The following FRRS1 variants were observed in gnomAD, a reference collection of about 807,000 sequenced individuals.
FRRS1 encodes the protein ferric reductase 1.
In FRRS1, 51 loss-of-function variants were observed where a neutral mutation model predicts 70.7. That is an observed-to-expected ratio of 0.72 (90% confidence interval 0.58 to 0.91). The LOEUF is 0.91. FRRS1 is among the 40% of genes least tolerant of loss of function. The pLI is 0.00. For missense variants in FRRS1, 672 were observed against 726.0 expected, an observed-to-expected ratio of 0.93 and a Z score of 0.86; for synonymous variants, 225 against 238.7, an observed-to-expected ratio of 0.94 and a Z score of 0.53.
intron 4 of FRRS1, among the ~76,000 whole-genome samples, chr1:99,744,467 T>C (rs1450300662): frequency 8.5e-5 from 13 of 152,252 alleles, no homozygotes; most frequent in Admixed American, 4.6e-4. Context: ...CCATCCCGGC[T>C]AACACGGTGA....
At chr1:99,723,671 A>T (rs1173677275) in intron 9 of FRRS1, among the ~76,000 whole-genome samples, 1 of 152,236 alleles carries the variant, frequency 6.6e-6, no homozygotes, top group Non-Finnish European at 1.5e-5. Context: ...ATTCTAACTA[A>T]TGCAGGAATA....
Position 99,725,451 on chromosome 1 carries a change from A to G in FRRS1, c.1006+3042T>C, listed in dbSNP as rs537906376. Among the ~76,000 whole-genome samples the G allele has an allele frequency of 1.6e-4, 24 of 152,366 alleles. 1 individual carries two copies. The South Asian group carries it at 5.0e-3, about 32-fold the overall frequency. ...TCCTAGAGCAGTAAGTTATCAAACT[A>G]CAGCACACATAAAACCACCTGGGAT... On this transcript the variant is annotated intron_variant, in intron 9 of 16. Transcript: ENST00000646001.
chr1:99,742,109 A>G, intron 5 of FRRS1, 70 bp downstream of exon 5: 2 of 950,048 alleles, frequency 2.1e-6, no homozygotes, highest in Non-Finnish European at 3.4e-6. Context: ...CCACCTTGGC[A>G]TCCCAAAGTG....
chr1:99,764,544 A>G (rs1230187724), intron 1 of FRRS1, among the ~76,000 whole-genome samples: 1 of 152,152 alleles, frequency 6.6e-6, no homozygotes, highest in East Asian at 1.9e-4. Context: ...TGTTTTGATA[A>G]AGAAGACCTT....
intron 7 of FRRS1, 60 bp from the exon 8 acceptor site, chr1:99,729,808 C>G: frequency 8.6e-7 from 1 of 1,165,852 alleles, no homozygotes; most frequent in Non-Finnish European, 1.3e-6. Flanking sequence ...TTTATTTTCT[C>G]TTTTTAAAAA....
rs1231045428 is a variant in FRRS1, at chr1:99,712,104, CCTG to C, written c.1478_1480del (p.Ala493del). 1 of 1,592,130 alleles carries C rather than the reference CCTG, an allele frequency of 6.3e-7. No homozygotes were observed. Reference sequence around the variant, plus strand: ...GAATAAGTGGCATCACAATCTCTTACCTGCTATTATTCTAGCAGCTGTTCCCAT... The same window carrying C: ...GAATAAGTGGCATCACAATCTCTTACCTATTATTCTAGCAGCTGTTCCCAT... On this transcript the variant is annotated inframe_deletion and splice_region_variant, in exon 14 of 17. Coordinates refer to ENST00000646001, the MANE Select transcript of FRRS1 (RefSeq NM_001361041.2).
chr1:99,761,374 C>T (rs765300771), intron 1 of FRRS1, among the ~76,000 whole-genome samples: 9 of 152,102 alleles, frequency 5.9e-5, no homozygotes, highest in African/African-American at 9.7e-5. Flanking sequence ...CCAATCCTCC[C>T]GCTTGGCCTC....
Position 99,705,391 on chromosome 1 carries a change from C to T in FRRS1, c.*3637G>A, listed in dbSNP as rs1470454352. ...GGATAGGAACTGTGAATATCCTAAT[C>T]TGATTTAAAAAGGACTCTTAGAAGA... On this transcript the variant is annotated 3_prime_UTR_variant, in exon 17 of 17. Coordinates refer to ENST00000646001, the MANE Select transcript of FRRS1 (RefSeq NM_001361041.2). 6.6e-6 allele frequency among the ~76,000 whole-genome samples: 1 copy of T among 152,224 alleles called. No individual in the cohort carries two copies. Among genetic ancestry groups the T allele is most frequent in the Admixed American group, 6.5e-5 (1 of 15,294 alleles).
chr1:99,762,696 A>G (rs2101008323), intron 1 of FRRS1, among the ~76,000 whole-genome samples: 1 of 152,246 alleles, frequency 6.6e-6, no homozygotes, highest in Non-Finnish European at 1.5e-5. Context: ...CTAGTTTTTG[A>G]ACCTCACTTT....
At chr1:99,749,197 G>T (rs1050124127) in intron 1 of FRRS1, among the ~76,000 whole-genome samples, 196 bp from the exon 2 acceptor site, 2 of 152,116 alleles carry the variant, frequency 1.3e-5, no homozygotes, top group African/African-American at 4.8e-5. Context: ...CACCACACCT[G>T]GCTAATTTTT....
At chr1:99,710,353 T>TCTGG (rs113503212) in intron 15 of FRRS1, among the ~76,000 whole-genome samples, 21,968 of 152,006 alleles carry the variant, frequency 0.14, 3,527 homozygotes, top group African/African-American at 0.4. Flanking sequence ...GTCCTTCCTA[T>TCTGG]CTGGCTTGCT....
intron 13 of FRRS1, 81 bp from the exon 14 acceptor site, chr1:99,712,244 T>C: frequency 6.7e-6 from 7 of 1,049,216 alleles, no homozygotes; most frequent in Admixed American, 4.0e-5. Flanking sequence ...AGCATGTAAT[T>C]TCCTTATTGT....
chr1:99,765,692 G>A (rs1479564239), intron 1 of FRRS1: 1 of 152,006 alleles, frequency 6.6e-6, no homozygotes, highest in Non-Finnish European at 1.5e-5. Flanking sequence ...ACGAGGTCAG[G>A]AGATAGAGAC....
At chr1:99,714,921 GAA>G (rs928920290) in intron 12 of FRRS1, among the ~76,000 whole-genome samples, 4 of 152,200 alleles carry the variant, frequency 2.6e-5, no homozygotes, top group African/African-American at 9.7e-5. Flanking sequence ...AGCCACGGGA[GAA>G]GTCTGGACTG....
chr1:99,736,833 T>TAA (rs553512168), intron 7 of FRRS1, among the ~76,000 whole-genome samples: 170 of 142,978 alleles, frequency 1.2e-3, no homozygotes, highest in African/African-American at 4.1e-3. Flanking sequence ...TTAGGACAAT[T>TAA]AAAAAAAAAA....
At chr1:99,721,809 G>C (rs1177204631) in intron 9 of FRRS1, among the ~76,000 whole-genome samples, 1 of 151,746 alleles carries the variant, frequency 6.6e-6, no homozygotes, top group Non-Finnish European at 1.5e-5. Flanking sequence ...ATCTTGGCCA[G>C]GCTGGTCTTG....
chr1:99,741,659 A>G (rs1162529875), intron 5 of FRRS1, among the ~76,000 whole-genome samples: 2 of 152,238 alleles, frequency 1.3e-5, no homozygotes, highest in African/African-American at 4.8e-5. Flanking sequence ...AATACTGCAA[A>G]AGAGTAAGAG....
intron 4 of FRRS1, among the ~76,000 whole-genome samples, chr1:99,746,364 T>C (rs900330697): frequency 6.6e-6 from 1 of 152,186 alleles, no homozygotes; most frequent in Non-Finnish European, 1.5e-5. Context: ...ACTATCGTTA[T>C]TATAGAAAAA....
chr1:99,757,885 T>C (rs1357010078), intron 1 of FRRS1, among the ~76,000 whole-genome samples: 1 of 151,978 alleles, frequency 6.6e-6, no homozygotes, highest in Non-Finnish European at 1.5e-5. Context: ...AACCAAAAAG[T>C]ATCTATGACA....
Sources: gnomAD v4.1 joint callset for allele counts (sites outside exome capture counted in the v4.1 genomes callset) on GRCh38, gnomAD v4.1.1 for gene constraint, MANE v1.5 for transcripts, NCBI Gene and HGNC (gene_info 2026-07-23, HGNC 2026-07-21) for gene names.